ADK: variants seen among roughly 807,000 people sequenced by gnomAD.
ADK encodes the protein adenosine kinase, also known as N6,N6-dimethyladenosine kinase.
A neutral mutation model predicts 44.7 loss-of-function variants in ADK; 24 were observed. The observed-to-expected ratio is 0.54, with a 90% CI of 0.39 to 0.76. The LOEUF (loss-of-function observed/expected upper bound fraction) is 0.76. Among genes scored for constraint, ADK ranks in the 30% least tolerant of loss-of-function variants. ADK has a pLI of 0.00. For missense variants in ADK, 321 were observed against 425.1 expected (o/e 0.76, Z 2.15); for synonymous variants, 128 against 142.6 (o/e 0.90, Z 0.73).
intron 3 of ADK, among the ~76,000 whole-genome samples, chr10:74,300,641 A>G (rs1839998631): frequency 6.6e-6 from 1 of 152,284 alleles, no homozygotes; most frequent in Admixed American, 6.5e-5. Context: ...GGCTTCCCAT[A>G]GTGCTGGGAT....
At chr10:74,342,175 A>G (rs1261268640) in intron 4 of ADK, among the ~76,000 whole-genome samples, 1 of 152,148 alleles carries the variant, frequency 6.6e-6, no homozygotes, top group Admixed American at 6.5e-5. Context: ...CAATTTACAC[A>G]ATGAGTATAG....
chr10:74,205,064 A>AAAT (rs1367639116), intron 2 of ADK, among the ~76,000 whole-genome samples: 3 of 150,890 alleles, frequency 2.0e-5, no homozygotes, highest in African/African-American at 7.3e-5. Flanking sequence ...AAAAAAAAAA[A>AAAT]AAAAATTAAA....
In ADK at chr10:74,571,505, G is replaced by A. The variant is rs887281178; in HGVS notation, c.727-17777G>A. On this transcript the variant is annotated intron_variant, in intron 7 of 10. Coordinates refer to ENST00000539909, the MANE Select transcript of ADK (RefSeq NM_006721.4). ...TATTCAGAGAGTCAACTTCTTCCTG[G>A]TTTAGTCTTGGGAGGGTGTATGTGT... 3.3e-5 allele frequency among the ~76,000 whole-genome samples: 5 copies of A among 152,268 alleles called. No homozygotes were observed. In the South Asian group the frequency reaches 1.0e-3, roughly 32 times the overall value.
intron 8 of ADK, among the ~76,000 whole-genome samples, chr10:74,593,572 T>C (rs903452667): frequency 1.3e-5 from 2 of 152,108 alleles, no homozygotes; most frequent in Non-Finnish European, 2.9e-5. Flanking sequence ...TACTATGTAC[T>C]CCAGGAACTG....
At chr10:74,611,971 T>C (rs1852564904) in intron 9 of ADK, among the ~76,000 whole-genome samples, 1 of 152,148 alleles carries the variant, frequency 6.6e-6, no homozygotes, top group Admixed American at 6.6e-5. Flanking sequence ...AACAATTTCT[T>C]TTACTTTGGG....
chr10:74,538,836 C>A (rs1420421817), intron 7 of ADK, among the ~76,000 whole-genome samples: 1 of 152,044 alleles, frequency 6.6e-6, no homozygotes, highest in Non-Finnish European at 1.5e-5. Context: ...TAATTTGAAA[C>A]CATCAATTCT....
chr10:74,623,604 G>C (rs1029486254), intron 9 of ADK, among the ~76,000 whole-genome samples: 1 of 151,882 alleles, frequency 6.6e-6, no homozygotes, highest in Non-Finnish European at 1.5e-5. Context: ...TGCATATCTT[G>C]TAAATGCATT....
intron 6 of ADK, chr10:74,423,692 C>T: frequency 2.3e-6 from 1 of 442,722 alleles, no homozygotes; most frequent in Non-Finnish European, 4.5e-6. Flanking sequence ...AGTACAGTGA[C>T]AATGTTGGGG....
intron 10 of ADK, among the ~76,000 whole-genome samples, chr10:74,699,056 C>G (rs1856311794): frequency 6.6e-6 from 1 of 150,468 alleles, no homozygotes; most frequent in Non-Finnish European, 1.5e-5. Context: ...CCCTGTGTTG[C>G]CCAGGCTGGT....
intron 9 of ADK, among the ~76,000 whole-genome samples, chr10:74,659,772 G>C (rs1854630290): frequency 6.6e-6 from 1 of 152,148 alleles, no homozygotes; most frequent in African/African-American, 2.4e-5. Context: ...AAAGTTGTAG[G>C]CTGGGAGGGT....
At chr10:74,475,124 A>C (rs994569124) in intron 6 of ADK, among the ~76,000 whole-genome samples, 10 of 151,992 alleles carry the variant, frequency 6.6e-5, no homozygotes, top group Admixed American at 6.6e-4. Flanking sequence ...ACTCCATCTC[A>C]AAAAAACAAA....
At chr10:74,368,523 A>G (rs1367179313) in intron 4 of ADK, among the ~76,000 whole-genome samples, 2 of 152,134 alleles carry the variant, frequency 1.3e-5, no homozygotes, top group Non-Finnish European at 2.9e-5. Flanking sequence ...GGTATCACAC[A>G]TCAGATACTT....
chr10:74,190,622 G>A (rs530080553), intron 1 of ADK, among the ~76,000 whole-genome samples: 2 of 152,170 alleles, frequency 1.3e-5, no homozygotes, highest in African/African-American at 4.8e-5. Context: ...AAGCCTGTTA[G>A]CAATGGGCAA....
chr10:74,401,277 T>C (rs1843700293), intron 6 of ADK, among the ~76,000 whole-genome samples: 1 of 152,206 alleles, frequency 6.6e-6, no homozygotes, highest in South Asian at 2.1e-4. Context: ...TTTATGCCTG[T>C]AGTCCCAGTG....
intron 2 of ADK, among the ~76,000 whole-genome samples, chr10:74,218,069 A>G (rs1424666449): frequency 6.6e-6 from 1 of 151,750 alleles, no homozygotes; most frequent in African/African-American, 2.4e-5. Flanking sequence ...CGATCAAACT[A>G]CGAGCTACGG....
intron 4 of ADK, chr10:74,344,505 T>C (rs1174229998): frequency 8.8e-6 from 2 of 226,584 alleles, no homozygotes; most frequent in African/African-American, 4.6e-5. Context: ...GCATACTCAT[T>C]TCCAGTGCAG....
At chr10:74,155,532 G>A (rs2132026769) in intron 1 of ADK, among the ~76,000 whole-genome samples, 1 of 151,976 alleles carries the variant, frequency 6.6e-6, no homozygotes, top group Non-Finnish European at 1.5e-5. Flanking sequence ...TTTTTTGTTT[G>A]TTTGTTTTTG....
At chr10:74,703,748 C>T (rs1589383832) in intron 10 of ADK, among the ~76,000 whole-genome samples, 1 of 152,194 alleles carries the variant, frequency 6.6e-6, no homozygotes, top group South Asian at 2.1e-4. Flanking sequence ...GATGTCCACA[C>T]TGTAGCTATG....
chr10:74,678,045 G>A (rs1024388881), intron 10 of ADK, among the ~76,000 whole-genome samples: 2 of 150,260 alleles, frequency 1.3e-5, no homozygotes, highest in Admixed American at 1.3e-4. Flanking sequence ...AGAAGCTGAG[G>A]TGGGAGGATA....
Sources: gnomAD v4.1 joint callset for allele counts (sites outside exome capture counted in the v4.1 genomes callset) on GRCh38, gnomAD v4.1.1 for gene constraint, MANE v1.5 for transcripts, NCBI Gene and HGNC (gene_info 2026-07-23, HGNC 2026-07-21) for gene names.